Variants in ANKRD55 observed in about 807,000 individuals in gnomAD.
ANKRD55 encodes the protein ankyrin repeat domain-containing protein 55.
Under a neutral mutation model 60.6 loss-of-function variants are expected in ANKRD55, and 41 were observed. The observed-to-expected ratio is 0.68, with a 90% confidence interval of 0.53 to 0.88. ANKRD55 has a LOEUF of 0.88. Among genes scored for constraint, ANKRD55 ranks in the 40% least tolerant of loss-of-function variants. The pLI, the probability that ANKRD55 is intolerant of heterozygous loss-of-function variation, is 0.00. For missense variants in ANKRD55, 732 were observed against 767.6 expected, an observed-to-expected ratio of 0.95 and a Z score of 0.55; for synonymous variants, 264 against 290.3, an observed-to-expected ratio of 0.91 and a Z score of 0.92.
At chr5:56,161,328 T>C (rs982385104) in intron 5 of ANKRD55, among the ~76,000 whole-genome samples, 4 of 152,226 alleles carry the variant, frequency 2.6e-5, no homozygotes, top group Admixed American at 6.5e-5. Flanking sequence ...CTCATCAAGA[T>C]GATAAAGAAT....
At chr5:56,146,568 C>T (rs1212714725) in intron 6 of ANKRD55, among the ~76,000 whole-genome samples, 4 of 152,210 alleles carry the variant, frequency 2.6e-5, no homozygotes, top group Non-Finnish European at 5.9e-5. Context: ...GAGTGAACCA[C>T]TGCACCCGGC....
chr5:56,219,092 G>T (rs1472237708), intron 2 of ANKRD55, among the ~76,000 whole-genome samples: 1 of 151,712 alleles, frequency 6.6e-6, no homozygotes, highest in Non-Finnish European at 1.5e-5. Context: ...GGCCAACATG[G>T]CAAAAACCTG....
chr5:56,107,865 C>T (rs1209695361), intron 10 of ANKRD55, among the ~76,000 whole-genome samples: 1 of 147,250 alleles, frequency 6.8e-6, no homozygotes, highest in Non-Finnish European at 1.5e-5. Flanking sequence ...CATGTGATAG[C>T]AATAAACTTT....
intron 6 of ANKRD55, among the ~76,000 whole-genome samples, chr5:56,147,166 G>A (rs142286731): frequency 6.6e-6 from 1 of 152,086 alleles, no homozygotes; most frequent in East Asian, 1.9e-4. Context: ...ATCCTAAGGG[G>A]TTAGTAGTTT....
chr5:56,121,506 G>C (rs1757056831), intron 8 of ANKRD55, among the ~76,000 whole-genome samples: 1 of 151,666 alleles, frequency 6.6e-6, no homozygotes, highest in Admixed American at 6.6e-5. Context: ...CCGAGTAGCT[G>C]GGACTACAGG....
chr5:56,144,550 G>A (rs546792371), intron 6 of ANKRD55, among the ~76,000 whole-genome samples: 1 of 148,822 alleles, frequency 6.7e-6, no homozygotes, highest in Admixed American at 6.6e-5. Flanking sequence ...GGAGAGGGAG[G>A]CAGGGGCTGA....
intron 2 of ANKRD55, among the ~76,000 whole-genome samples, chr5:56,206,652 C>T (rs1208265010): frequency 6.6e-6 from 1 of 152,166 alleles, no homozygotes; most frequent in Non-Finnish European, 1.5e-5. Flanking sequence ...ATCCCTCCCA[C>T]AACCCCCACC....
intron 2 of ANKRD55, among the ~76,000 whole-genome samples, chr5:56,191,481 T>C (rs1382158084): frequency 6.6e-6 from 1 of 152,242 alleles, no homozygotes; most frequent in Non-Finnish European, 1.5e-5. Context: ...AGAGTTGTTT[T>C]TCGAAGGGCT....
chr5:56,189,660 C>T (rs975696093), intron 2 of ANKRD55, among the ~76,000 whole-genome samples: 9 of 152,270 alleles, frequency 5.9e-5, no homozygotes, highest in Non-Finnish European at 1.3e-4. Flanking sequence ...AGAATTATCT[C>T]CCTTTTTAAG....
At chr5:56,229,247 T>C (rs977114044) in intron 2 of ANKRD55, among the ~76,000 whole-genome samples, 13 of 152,156 alleles carry the variant, frequency 8.5e-5, no homozygotes, top group African/African-American at 2.9e-4. Flanking sequence ...CTGTGTTCTG[T>C]AGTAAATGGC....
chr5:56,135,713 A>G (rs1417419495), intron 7 of ANKRD55, among the ~76,000 whole-genome samples: 1 of 152,154 alleles, frequency 6.6e-6, no homozygotes, highest in Admixed American at 6.5e-5. Context: ...TAGTTAATGC[A>G]ATAAGACAAG....
At chr5:56,117,662 C>A (rs550107878) in intron 8 of ANKRD55, among the ~76,000 whole-genome samples, 16 of 152,220 alleles carry the variant, frequency 1.1e-4, no homozygotes, top group Non-Finnish European at 1.8e-4. Flanking sequence ...CTATGTTGGC[C>A]AGGCTGGTTC....
chr5:56,133,079 C>T (rs969462370), intron 7 of ANKRD55, among the ~76,000 whole-genome samples: 5 of 152,186 alleles, frequency 3.3e-5, no homozygotes, highest in African/African-American at 1.2e-4. Flanking sequence ...AAGACTTCAA[C>T]ATCCCTCTAT....
At chr5:56,126,049 G>A (rs1258789226) in intron 8 of ANKRD55, among the ~76,000 whole-genome samples, 3 of 152,202 alleles carry the variant, frequency 2.0e-5, no homozygotes, top group Admixed American at 6.5e-5. Context: ...CAAGGGAATC[G>A]CTTGGACCTG....
chr5:56,171,159 C>T (rs1218732412), intron 4 of ANKRD55, among the ~76,000 whole-genome samples: 1 of 152,138 alleles, frequency 6.6e-6, no homozygotes, highest in African/African-American at 2.4e-5. Context: ...TTTCTAGTAA[C>T]CACAAGGACA....
intron 2 of ANKRD55, among the ~76,000 whole-genome samples, chr5:56,184,644 T>A (rs1404511665): frequency 6.6e-6 from 1 of 152,122 alleles, no homozygotes; most frequent in Admixed American, 6.5e-5. Flanking sequence ...AGATCTGTAA[T>A]CTCAGCACTT....
intron 10 of ANKRD55, among the ~76,000 whole-genome samples, chr5:56,104,812 CAT>C (rs946071980): frequency 2.6e-5 from 4 of 152,156 alleles, no homozygotes; most frequent in African/African-American, 9.6e-5. Flanking sequence ...GACAGGTAAA[CAT>C]ATGGTTTTGA....
intron 5 of ANKRD55, among the ~76,000 whole-genome samples, chr5:56,167,297 G>A (rs1460107566): frequency 2.0e-5 from 3 of 152,218 alleles, no homozygotes; most frequent in Non-Finnish European, 2.9e-5. Context: ...AATATGCACA[G>A]CATGTGACTG....
At chr5:56,190,346 A>AT (rs1364813717) in intron 2 of ANKRD55, among the ~76,000 whole-genome samples, 4 of 151,764 alleles carry the variant, frequency 2.6e-5, no homozygotes, top group Admixed American at 2.0e-4. Context: ...TAATTTGTTG[A>AT]TTTTTTCTTC....
Sources: allele counts gnomAD v4.1 joint callset (sites outside exome capture counted in the v4.1 genomes callset), GRCh38; gene constraint gnomAD v4.1.1; transcripts MANE v1.5; gene names NCBI Gene and HGNC (gene_info 2026-07-23, HGNC 2026-07-21).